Variants in ZNF133 observed in about 807,000 individuals in gnomAD.
The protein encoded by ZNF133 is zinc finger protein 133, also known as zinc finger protein 133 (clone pHZ-13).
In ZNF133, 26 loss-of-function variants were observed where a neutral mutation model predicts 54.9. The observed-to-expected ratio is 0.47, with a 90% CI of 0.35 to 0.66. The LOEUF (loss-of-function observed/expected upper bound fraction) is 0.66. ZNF133 is among the 30% of genes least tolerant of loss of function. The pLI is 0.01. For synonymous variants in ZNF133, 298 were observed against 320.3 expected (o/e 0.93, Z 0.74); for missense variants, 653 against 820.8 (o/e 0.80, Z 2.50).
Position 18,316,735 on chromosome 20 carries a change from G to T in ZNF133, c.1884G>T (p.Thr628=). The T allele has an allele frequency of 6.2e-7, 1 of 1,614,218 alleles. No homozygotes were observed. The highest frequency in any genetic ancestry group is 8.5e-7 in the Non-Finnish European group (1 of 1,180,046). ...ACCTCAGCAGACACAGGAAGACCAC[G>T]TCTGTCCACCACAGACTGCCAGTGC... ...KSHLSRHRKT[T]SVHHRLPVQP... The change falls in exon 7 of 7, where the codon ACG becomes ACT. Residue 628 remains threonine (T), a synonymous_variant. Transcript: ENST00000425686.
Position 18,298,015 on chromosome 20 carries a change from G to C in ZNF133, c.-401G>C. On this transcript the variant is annotated 5_prime_UTR_variant, in exon 2 of 7. Transcript: ENST00000425686. ...CCTTCTGAGATATCATCCTTCTTCAGGGAGATAAGGAAAAAAAGCCACAGG... is the reference window on the plus strand; with the variant it reads ...CCTTCTGAGATATCATCCTTCTTCACGGAGATAAGGAAAAAAAGCCACAGG... 1 of 1,535,296 alleles carries C rather than the reference G, an allele frequency of 6.5e-7. No individual in the cohort carries two copies.
intron 1 of ZNF133, among the ~76,000 whole-genome samples, chr20:18,297,768 T>C (rs531495536): frequency 6.6e-6 from 1 of 152,290 alleles, no homozygotes; most frequent in South Asian, 2.1e-4. Flanking sequence ...GTTGTTGTTT[T>C]TTGTTTTTCT....
chr20:18,296,499 C>T (rs1162869716), intron 1 of ZNF133, among the ~76,000 whole-genome samples: 1 of 152,186 alleles, frequency 6.6e-6, no homozygotes, highest in Non-Finnish European at 1.5e-5. Flanking sequence ...TTTGACTATT[C>T]TAGGTACCTC....
chr20:18,295,799 C>T (rs564859074), intron 1 of ZNF133, among the ~76,000 whole-genome samples: 3 of 152,120 alleles, frequency 2.0e-5, no homozygotes, highest in South Asian at 4.1e-4. Flanking sequence ...TGGGACCATA[C>T]GGGTGTGTGT....
chr20:18,292,261 ATG>A (rs2041233507), intron 1 of ZNF133, among the ~76,000 whole-genome samples: 1 of 152,208 alleles, frequency 6.6e-6, no homozygotes, highest in African/African-American at 2.4e-5. Context: ...GAATCATGTC[ATG>A]TGTTTGCTCA....
At chr20:18,312,546 C>T (rs1185926790) in intron 6 of ZNF133, 2 of 152,174 alleles carry the variant, frequency 1.3e-5, no homozygotes, top group African/African-American at 2.4e-5. Flanking sequence ...AGTAAATAAG[C>T]TCTGAGTGCC....
At chr20:18,314,294 C>A (rs567842172) in intron 6 of ZNF133, 1 of 152,086 alleles carries the variant, frequency 6.6e-6, no homozygotes, top group Non-Finnish European at 1.5e-5. Context: ...TGTGATAAAA[C>A]AATATACTCA....
chr20:18,293,754 A>G (rs1342118079), intron 1 of ZNF133, among the ~76,000 whole-genome samples: 1 of 152,168 alleles, frequency 6.6e-6, no homozygotes, highest in Non-Finnish European at 1.5e-5. Context: ...TGAAAGGGGG[A>G]AAAAGCTGGA....
rs144953543 is a variant in ZNF133 at position 18,315,436 on chromosome 20, C to T, written c.585C>T (p.Asn195=). Residue 195 remains asparagine (N), a synonymous_variant, in exon 7 of 7, where the codon AAC becomes AAT. Transcript: ENST00000425686. ...AAGCCAGCCCAGCTCAGTCAGGGAA[C>T]CCTGAGGAAACAGACAAATTGTTGA... is the stretch of plus-strand genomic sequence containing the variant. ...ELEASPAQSG[N]PEETDKLLKR... is the part of the protein sequence containing the mutation. 9.7e-5 allele frequency: 157 copies of T among 1,614,154 alleles called. 1 individual carries two copies. The African/African-American group carries it at 1.6e-3, about 16-fold the overall frequency.
Position 18,315,059 on chromosome 20 carries a change from C to A in ZNF133, c.218-10C>A, listed in dbSNP as rs775615020. 6.6e-7 allele frequency: 1 copy of A among 1,519,912 alleles called. No individual in the cohort carries two copies. Among genetic ancestry groups the A allele is most frequent in the South Asian group, 1.3e-5 (1 of 74,994 alleles). 94.2% of individuals were successfully genotyped at this position (1,519,912 alleles called of 1,614,324 possible). ...GGACTCAGTTGTGACTCACACTTTT[C>A]TCTCTGCAGCAGATCCAGAGCCAGA... On this transcript the variant is annotated splice_polypyrimidine_tract_variant and intron_variant, in intron 6 of 6. Transcript: ENST00000425686.
Position 18,315,809 on chromosome 20 carries a change from C to T in ZNF133, c.958C>T (p.His320Tyr). The change falls in exon 7 of 7, where the codon CAC (histidine) becomes TAC (tyrosine). Residue 320 changes from histidine (H) to tyrosine (Y), a missense_variant. By Grantham distance (83) the His-to-Tyr change is moderately conservative. Coordinates refer to ENST00000425686, the MANE Select transcript of ZNF133 (RefSeq NM_001352452.2). ...AAACCTCATCATACACCAGAGGACA[C>T]ACTCAGGGGAAAAGCCTTACGTGTG... is the stretch of plus-strand genomic sequence containing the variant. ...KSNLIIHQRT[H>Y]SGEKPYVCRE... The T allele has an allele frequency of 6.2e-7, 1 of 1,612,560 alleles. No individual in the cohort carries two copies. The highest frequency in any genetic ancestry group is 8.5e-7 in the Non-Finnish European group (1 of 1,178,844).
chr20:18,299,789 T>G (rs2042994734), intron 3 of ZNF133, among the ~76,000 whole-genome samples: 1 of 152,178 alleles, frequency 6.6e-6, no homozygotes, highest in Admixed American at 6.5e-5. Flanking sequence ...GGTTGATATA[T>G]TTGAAGTGCT....
intron 6 of ZNF133, among the ~76,000 whole-genome samples, chr20:18,312,361 C>T (rs955765948): frequency 6.6e-6 from 1 of 152,156 alleles, no homozygotes. Context: ...TTGAGAAAGC[C>T]TACATATCAG....
rs751100002 is a variant in ZNF133, at chr20:18,306,346, A to G, written c.170A>G (p.Lys57Arg). 8 of 1,613,870 alleles carry G rather than the reference A, an allele frequency of 5.0e-6. No individual in the cohort carries two copies. Among genetic ancestry groups the G allele is most frequent in the South Asian group, 3.3e-5 (3 of 91,038 alleles). Residue 57 changes from lysine (K) to arginine (R), a missense_variant, in exon 6 of 7, where the codon AAA (lysine) becomes AGA (arginine). Physicochemically the swap from Lys to Arg is conservative, Grantham distance 26. Around this residue, in one of 4 missense-constraint regions of ZNF133, gnomAD observed 227 missense variants for 233.9 expected, o/e 0.97. Coordinates refer to ENST00000425686, the MANE Select transcript of ZNF133 (RefSeq NM_001352452.2). ...PELITQLEQG[K>R]ETWREEKKCS... is the part of the protein sequence containing the mutation. Reference sequence around the variant, plus strand: ...CTCATCACCCAGCTGGAGCAAGGGAAAGAGACCTGGAGAGAGGAAAAAAAA... The same window carrying G: ...CTCATCACCCAGCTGGAGCAAGGGAGAGAGACCTGGAGAGAGGAAAAAAAA...
intron 3 of ZNF133, among the ~76,000 whole-genome samples, chr20:18,299,566 T>C (rs1034528251): frequency 6.6e-6 from 1 of 152,128 alleles, no homozygotes; most frequent in Admixed American, 6.5e-5. Context: ...ATGAAAGACT[T>C]GAATATAAAC....
At chr20:18,306,523 C>A in intron 6 of ZNF133, 130 bp downstream of exon 6, 1 of 958,498 alleles carries the variant, frequency 1.0e-6, no homozygotes, top group South Asian at 1.7e-5. Context: ...GTTTAGATTG[C>A]CTGACACGGC....
At chr20:18,306,790 A>T in intron 6 of ZNF133, 1 of 1,254,076 alleles carries the variant, frequency 8.0e-7, no homozygotes. Flanking sequence ...CCAATAGAGA[A>T]ATTGAAATGG....
At chr20:18,312,319 A>C (rs1326060395) in intron 6 of ZNF133, among the ~76,000 whole-genome samples, 1 of 152,228 alleles carries the variant, frequency 6.6e-6, no homozygotes, top group Non-Finnish European at 1.5e-5. Context: ...CCTATATATT[A>C]GTCTTGGAAG....
rs2047640841 is a variant in ZNF133 at position 18,316,904 on chromosome 20, G to T, written c.*88G>T. On this transcript the variant is annotated 3_prime_UTR_variant, in exon 7 of 7. Coordinates refer to ENST00000425686, the MANE Select transcript of ZNF133 (RefSeq NM_001352452.2). ...GAAATGCATTCTGTAAGTGGTCAAA[G>T]GACATTTGACTGTTTACTTTCTCCA... 2.8e-6 allele frequency: 4 copies of T among 1,438,456 alleles called. No homozygotes were observed. Among genetic ancestry groups the T allele is most frequent in the Non-Finnish European group, 2.8e-6 (3 of 1,077,540 alleles). The allele number at this position is 1,438,456 out of a possible 1,614,324, so 89.1% of individuals were successfully genotyped here. A position where few individuals can be genotyped will look rare whatever the true frequency, so the allele number is the denominator to read the frequency against.
Sources: allele counts gnomAD v4.1 joint callset (sites outside exome capture counted in the v4.1 genomes callset), GRCh38; gene constraint gnomAD v4.1.1; regional missense constraint gnomAD v4.1.1; transcripts MANE v1.5; gene names NCBI Gene and HGNC (gene_info 2026-07-23, HGNC 2026-07-21).